Variants in CCDC192 observed in about 807,000 individuals in gnomAD.
CCDC192 encodes the protein coiled-coil domain containing 192.
intron 6 of CCDC192, among the ~76,000 whole-genome samples, chr5:127,917,766 T>C (rs769533234): frequency 6.6e-6 from 1 of 152,098 alleles, no homozygotes; most frequent in Admixed American, 6.5e-5. Flanking sequence ...AAAGATATAA[T>C]AATAATGAAA....
chr5:127,841,200 A>G (rs915500484), intron 5 of CCDC192, among the ~76,000 whole-genome samples: 4 of 152,230 alleles, frequency 2.6e-5, no homozygotes, highest in Non-Finnish European at 5.9e-5. Flanking sequence ...GAGCAACAGT[A>G]TAGTGGAGTC....
At chr5:127,750,364 A>G (rs1176159693) in intron 2 of CCDC192, among the ~76,000 whole-genome samples, 2 of 152,022 alleles carry the variant, frequency 1.3e-5, no homozygotes, top group Non-Finnish European at 2.9e-5. Flanking sequence ...CCTTCATTTC[A>G]TTATGTACCC....
intron 5 of CCDC192, among the ~76,000 whole-genome samples, chr5:127,832,623 A>G (rs555007785): frequency 7.9e-5 from 12 of 152,316 alleles, no homozygotes; most frequent in Non-Finnish European, 1.6e-4. Context: ...TAAAAGGGAA[A>G]ACAGAACTGG....
At chr5:127,796,276 C>A (rs1475267817) in intron 3 of CCDC192, among the ~76,000 whole-genome samples, 1 of 152,216 alleles carries the variant, frequency 6.6e-6, no homozygotes, top group African/African-American at 2.4e-5. Context: ...AATGAGACAA[C>A]TTGCCTTGCA....
chr5:127,733,884 C>T (rs910125945), intron 2 of CCDC192, among the ~76,000 whole-genome samples: 3 of 150,212 alleles, frequency 2.0e-5, no homozygotes, highest in African/African-American at 7.3e-5. Flanking sequence ...TTTATTTCCA[C>T]CTGAGAATTT....
At chr5:127,703,627 C>T (rs936290477) in intron 1 of CCDC192, 120 bp downstream of exon 1, 1 of 386,690 alleles carries the variant, frequency 2.6e-6, no homozygotes, top group Non-Finnish European at 4.6e-6. Context: ...AGCAGACAGA[C>T]TTTTTATCCT....
intron 5 of CCDC192, among the ~76,000 whole-genome samples, chr5:127,871,885 T>C (rs1249311416): frequency 6.6e-6 from 1 of 152,230 alleles, no homozygotes; most frequent in Non-Finnish European, 1.5e-5. Flanking sequence ...GGAATTTACC[T>C]CCAAGCTATA....
At chr5:127,803,047 T>G (rs1182193614) in intron 5 of CCDC192, among the ~76,000 whole-genome samples, 1 of 152,188 alleles carries the variant, frequency 6.6e-6, no homozygotes, top group Non-Finnish European at 1.5e-5. Context: ...GAAATTCCTA[T>G]TTCACGTGAA....
chr5:127,879,944 GC>G (rs1180300481), intron 6 of CCDC192, among the ~76,000 whole-genome samples: 1 of 151,460 alleles, frequency 6.6e-6, no homozygotes, highest in African/African-American at 2.4e-5. Context: ...AACAACAGGT[GC>G]TGGAGAGGAT....
intron 2 of CCDC192, among the ~76,000 whole-genome samples, chr5:127,728,910 TTC>T (rs1752483493): frequency 6.6e-6 from 1 of 152,134 alleles, no homozygotes; most frequent in South Asian, 2.1e-4. Context: ...GTTTCTTTTT[TTC>T]TTTTTTTTTC....
In CCDC192 at chr5:127,939,876, C is replaced by T. The variant is rs192193711; in HGVS notation, c.536-1306C>T. On this transcript the variant is annotated intron_variant, in intron 6 of 6. Transcript: ENST00000514853. ...TGGGACCTCAATTGTAACAATCTAC[C>T]GTGGAGACCACGCATCAGGTTCATT... Among the ~76,000 whole-genome samples the T allele has an allele frequency of 7.1e-4, 108 of 152,192 alleles. 1 individual carries two copies. In the South Asian group the frequency reaches 9.3e-3, roughly 13 times the overall value.
At chr5:127,927,247 A>G (rs1753887793) in intron 6 of CCDC192, among the ~76,000 whole-genome samples, 1 of 152,228 alleles carries the variant, frequency 6.6e-6, no homozygotes, top group Non-Finnish European at 1.5e-5. Flanking sequence ...GATCATGTTC[A>G]CATAACTCTT....
chr5:127,754,497 A>G, intron 3 of CCDC192, 122 bp downstream of exon 3: 1 of 340,248 alleles, frequency 2.9e-6, no homozygotes, highest in East Asian at 3.9e-5. Context: ...ACACACATAC[A>G]CACACACACA....
intron 5 of CCDC192, among the ~76,000 whole-genome samples, chr5:127,862,208 A>G (rs1751399430): frequency 6.6e-6 from 1 of 152,196 alleles, no homozygotes; most frequent in Non-Finnish European, 1.5e-5. Flanking sequence ...CCTTTGCTTC[A>G]ACAAATCTCT....
intron 5 of CCDC192, among the ~76,000 whole-genome samples, chr5:127,838,252 AT>A: frequency 6.6e-6 from 1 of 152,316 alleles, no homozygotes; most frequent in East Asian, 1.9e-4. Flanking sequence ...TGGCGTGAGT[AT>A]TAATAAGGAC....
chr5:127,704,031 C>T (rs972278479), intron 1 of CCDC192, among the ~76,000 whole-genome samples: 1 of 152,238 alleles, frequency 6.6e-6, no homozygotes, highest in Non-Finnish European at 1.5e-5. Flanking sequence ...ACACCATACT[C>T]ATTTCCCTTT....
At chr5:127,766,517 G>C (rs1413765261) in intron 3 of CCDC192, among the ~76,000 whole-genome samples, 1 of 148,070 alleles carries the variant, frequency 6.8e-6, no homozygotes, top group Non-Finnish European at 1.5e-5. Flanking sequence ...GACTTCTGTG[G>C]ATTCTATTCT....
At chr5:127,868,160 T>G (rs948484618) in intron 5 of CCDC192, among the ~76,000 whole-genome samples, 1 of 152,138 alleles carries the variant, frequency 6.6e-6, no homozygotes, top group East Asian at 1.9e-4. Context: ...AAGTGAAGGC[T>G]GCCTGCCAAA....
At chr5:127,709,417 A>T (rs556913539) in intron 2 of CCDC192, among the ~76,000 whole-genome samples, 1 of 152,198 alleles carries the variant, frequency 6.6e-6, no homozygotes, top group Admixed American at 6.5e-5. Context: ...TTATAATTCA[A>T]CATGAGATTT....
Sources: allele counts gnomAD v4.1 joint callset (sites outside exome capture counted in the v4.1 genomes callset), GRCh38; gene constraint gnomAD v4.1.1; transcripts MANE v1.5; gene names NCBI Gene and HGNC (gene_info 2026-07-23, HGNC 2026-07-21).